UBR3: variants seen among roughly 807,000 people sequenced by gnomAD.
UBR3 encodes the protein E3 ubiquitin-protein ligase UBR3.
UBR3 carries 85 observed loss-of-function variants against 243.2 expected under a neutral mutation model. That is an observed-to-expected ratio of 0.35 (90% CI 0.29 to 0.42). The LOEUF (loss-of-function observed/expected upper bound fraction) is 0.42, where lower values mean the gene tolerates loss of function less well. Among genes scored for constraint, UBR3 ranks in the 10% least tolerant of loss-of-function variants. The pLI is 1.00. For missense variants in UBR3, 1,686 were observed against 2,300.8 expected (o/e 0.73, Z 5.47); for synonymous variants, 748 against 799.8 (o/e 0.94, Z 1.09).
At chr2:169,858,703 G>A (rs1187522901) in intron 1 of UBR3, among the ~76,000 whole-genome samples, 5 of 152,014 alleles carry the variant, frequency 3.3e-5, no homozygotes, top group South Asian at 4.2e-4. Flanking sequence ...AGCTTCAAGC[G>A]ATTCTCCCGC....
At chr2:170,053,063 T>C (rs2091257833) in intron 32 of UBR3, among the ~76,000 whole-genome samples, 1 of 152,158 alleles carries the variant, frequency 6.6e-6, no homozygotes, top group African/African-American at 2.4e-5. Flanking sequence ...TGAGAGGTGA[T>C]ACAGATAAAC....
rs1429565238 is a variant in UBR3, at chr2:170,015,264, T to A, written c.4368-17T>A. The stretch of plus-strand genomic sequence containing the variant: ...AATCTTCAGTTTAATGACTGAGATA[T>A]AATGTTTTACTTACAGAACCAATTT... On this transcript the variant is annotated splice_polypyrimidine_tract_variant and intron_variant, in intron 29 of 38. Coordinates refer to ENST00000272793, the MANE Select transcript of UBR3 (RefSeq NM_172070.4). The A allele has an allele frequency of 6.3e-7, 1 of 1,596,618 alleles. No homozygotes were observed. Among genetic ancestry groups the A allele is most frequent in the Non-Finnish European group, 8.6e-7 (1 of 1,167,290 alleles).
intron 24 of UBR3, among the ~76,000 whole-genome samples, chr2:169,963,840 A>G (rs1380803800): frequency 1.3e-5 from 2 of 152,154 alleles, no homozygotes; most frequent in East Asian, 3.8e-4. Context: ...AAGCTGACAG[A>G]ATAGTGTTGT....
intron 26 of UBR3, 113 bp from the exon 27 acceptor site, chr2:170,001,191 C>A (rs1384457098): frequency 2.8e-6 from 2 of 709,378 alleles, no homozygotes; most frequent in East Asian, 5.5e-5. Flanking sequence ...ATAGAAACTC[C>A]ACATTAATAT....
intron 32 of UBR3, among the ~76,000 whole-genome samples, chr2:170,053,453 CTG>C (rs2091267768): frequency 6.6e-6 from 1 of 152,204 alleles, no homozygotes; most frequent in Non-Finnish European, 1.5e-5. Context: ...GAAGAAGACT[CTG>C]GAAGTTTCCT....
At chr2:170,033,729 C>T (rs1421303824) in intron 31 of UBR3, among the ~76,000 whole-genome samples, 1 of 151,500 alleles carries the variant, frequency 6.6e-6, no homozygotes, top group Admixed American at 6.6e-5. Flanking sequence ...CACCTCAACA[C>T]TCTTCCAATA....
intron 8 of UBR3, among the ~76,000 whole-genome samples, chr2:169,899,225 C>T (rs1027507232): frequency 6.6e-5 from 10 of 151,988 alleles, no homozygotes; most frequent in Non-Finnish European, 1.3e-4. Flanking sequence ...GGTGATCCAC[C>T]CACCTCGGCC....
At chr2:169,905,382 C>T (rs1210091000) in intron 9 of UBR3, 89 bp downstream of exon 9, 2 of 955,622 alleles carry the variant, frequency 2.1e-6, no homozygotes. Context: ...AATAGCACAT[C>T]ATTCACGCTA....
chr2:170,016,386 T>C (rs937726422), intron 30 of UBR3, among the ~76,000 whole-genome samples: 1 of 151,840 alleles, frequency 6.6e-6, no homozygotes, highest in Non-Finnish European at 1.5e-5. Context: ...GAGGTTATTA[T>C]TTTTATTTTT....
intron 24 of UBR3, among the ~76,000 whole-genome samples, chr2:169,971,553 A>G (rs1399717825): frequency 4.0e-5 from 6 of 151,564 alleles, no homozygotes; most frequent in African/African-American, 4.8e-5. Flanking sequence ...TGGCTAGCCA[A>G]TTTTCCCAGC....
intron 1 of UBR3, among the ~76,000 whole-genome samples, chr2:169,860,506 A>G (rs1048679606): frequency 6.6e-6 from 1 of 152,160 alleles, no homozygotes; most frequent in Admixed American, 6.5e-5. Flanking sequence ...AACATGAACT[A>G]ATTGTTTAAG....
At chr2:169,931,552 G>A (rs2086132086) in intron 18 of UBR3, among the ~76,000 whole-genome samples, 1 of 151,982 alleles carries the variant, frequency 6.6e-6, no homozygotes, top group East Asian at 1.9e-4. Context: ...TGGATGGTTA[G>A]GGAGAAGCTT....
chr2:169,912,526 G>T (rs2085293678), intron 10 of UBR3, among the ~76,000 whole-genome samples: 1 of 152,130 alleles, frequency 6.6e-6, no homozygotes, highest in South Asian at 2.1e-4. Context: ...CTGTGTTGTA[G>T]CATGTATCAG....
chr2:170,066,964 T>TAAA (rs1410329888), intron 35 of UBR3, among the ~76,000 whole-genome samples: 12 of 21,840 alleles, frequency 5.5e-4, no homozygotes, highest in East Asian at 4.3e-3. Context: ...ACTCCGTCTC[T>TAAA]AAAATAATAA....
intron 1 of UBR3, among the ~76,000 whole-genome samples, chr2:169,829,342 G>A (rs762330622): frequency 1.3e-5 from 2 of 151,916 alleles, no homozygotes; most frequent in Non-Finnish European, 2.9e-5. Context: ...CTGTGCAGAG[G>A]GAGTAAGAAA....
chr2:169,954,741 AT>A lies in UBR3; in HGVS notation c.3546-3692del, dbSNP rs1055510646. On this transcript the variant is annotated intron_variant, in intron 23 of 38. Coordinates refer to ENST00000272793, the MANE Select transcript of UBR3 (RefSeq NM_172070.4). ...AGGTGCTTGCCACCATGCCCGGCTA[AT>A]TTTTGTATTTTTAGTAGAGACAGGG... Among the ~76,000 whole-genome samples the A allele has an allele frequency of 2.2e-4, 34 of 151,472 alleles. 1 individual carries two copies. Among genetic ancestry groups the A allele is most frequent in the Non-Finnish European group, 1.5e-5 (1 of 67,896 alleles).
At chr2:169,852,796 A>C (rs1304262558) in intron 1 of UBR3, among the ~76,000 whole-genome samples, 4 of 133,116 alleles carry the variant, frequency 3.0e-5, no homozygotes, top group African/African-American at 1.1e-4. Context: ...GGTTGCAGTG[A>C]GCGGAGATCA....
At chr2:169,883,687 T>C (rs1002077986) in intron 5 of UBR3, among the ~76,000 whole-genome samples, 3 of 152,192 alleles carry the variant, frequency 2.0e-5, no homozygotes, top group Non-Finnish European at 4.4e-5. Context: ...AGTGGCACTA[T>C]CTCTTGGGAA....
At chr2:169,929,418 G>A (rs1180789547) in intron 18 of UBR3, among the ~76,000 whole-genome samples, 5 of 151,928 alleles carry the variant, frequency 3.3e-5, no homozygotes, top group Non-Finnish European at 5.9e-5. Context: ...TATTAAAAAT[G>A]CAAAAAAATT....
Sources: gnomAD v4.1 joint callset for allele counts (sites outside exome capture counted in the v4.1 genomes callset) on GRCh38, gnomAD v4.1.1 for gene constraint, MANE v1.5 for transcripts, NCBI Gene and HGNC (gene_info 2026-07-23, HGNC 2026-07-21) for gene names.